EVL: variants seen among roughly 807,000 people sequenced by gnomAD.
EVL encodes Enah/Vasp-like.
EVL carries 21 observed loss-of-function variants against 59.6 expected under a neutral mutation model. The observed-to-expected ratio is 0.35, with a 90% CI of 0.25 to 0.51. The LOEUF (loss-of-function observed/expected upper bound fraction) is 0.51. Among genes scored for constraint, EVL ranks in the 20% least tolerant of loss-of-function variants. EVL has a pLI of 0.97. For missense variants in EVL, 462 were observed against 546.6 expected (o/e 0.85, Z 1.54); for synonymous variants, 198 against 203.5 (o/e 0.97, Z 0.23).
chr14:100,107,678 G>T, intron 3 of EVL: 1 of 165,064 alleles, frequency 6.1e-6, no homozygotes, highest in Non-Finnish European at 1.3e-5. Context: ...TTCGCATTTG[G>T]TTCTCACTAA....
chr14:100,086,974 T>G (rs2062458162), intron 2 of EVL, among the ~76,000 whole-genome samples: 1 of 152,218 alleles, frequency 6.6e-6, no homozygotes, highest in African/African-American at 2.4e-5. Flanking sequence ...AAAGACTGAT[T>G]TTCACAGATT....
rs535399779 is a variant in EVL, at chr14:100,133,805, C to T, written c.900+1026C>T. ...ATACAAAATTAGCGGGGCATGGTGG[C>T]GCATGCCTGTAATCCCAGCTACTCG... On this transcript the variant is annotated intron_variant, in intron 8 of 13. Transcript: ENST00000392920. 8.6e-5 allele frequency among the ~76,000 whole-genome samples: 13 copies of T among 151,518 alleles called. No individual in the cohort carries two copies. In the South Asian group the frequency reaches 2.3e-3, roughly 27 times the overall value.
chr14:100,054,546 G>A (rs950774373), intron 1 of EVL, among the ~76,000 whole-genome samples: 2 of 152,054 alleles, frequency 1.3e-5, no homozygotes, highest in Admixed American at 6.6e-5. Flanking sequence ...TATTTCCCCT[G>A]CTCTAAATCA....
In EVL at chr14:100,093,408, C is replaced by A. The variant is rs533644256; in HGVS notation, c.181-4073C>A. 2.0e-5 allele frequency among the ~76,000 whole-genome samples: 3 copies of A among 152,130 alleles called. No homozygotes were observed. The South Asian group carries it at 6.2e-4, about 32-fold the overall frequency. On this transcript the variant is annotated intron_variant, in intron 2 of 13. Transcript: ENST00000392920. ...TTATACAGCTGAAAAGTAATAACGC[C>A]AGGGTTTTAATGCAGAACCCTCTGA...
intron 1 of EVL, among the ~76,000 whole-genome samples, chr14:100,022,560 G>A (rs753955467): frequency 6.6e-6 from 1 of 152,104 alleles, no homozygotes; most frequent in South Asian, 2.1e-4. Flanking sequence ...GTTTACAGGC[G>A]TGAGCCACCA....
rs746584136 is a variant in EVL, at chr14:100,128,595, C to A, written c.564C>A (p.Pro188=). The A allele has an allele frequency of 2.6e-6, 4 of 1,542,870 alleles. No individual in the cohort carries two copies. Among genetic ancestry groups the A allele is most frequent in the Non-Finnish European group, 2.7e-6 (3 of 1,128,270 alleles). ...CATGTAGTGGGCCTCCACCGCCCCCCCCACCCCCAGTCCCACCTCCACCCA... is the reference window on the plus strand; with the variant it reads ...CATGTAGTGGGCCTCCACCGCCCCCACCACCCCCAGTCCCACCTCCACCCA... ...PVSCSGPPPP[P]PPPVPPPPTG... is the part of the protein sequence containing the mutation. Residue 188 remains proline (P), a synonymous_variant, in exon 6 of 14, where the codon CCC becomes CCA. Transcript: ENST00000392920.
chr14:100,016,560 G>C lies in EVL; in HGVS notation c.5+44503G>C, dbSNP rs114874726. On this transcript the variant is annotated intron_variant, in intron 1 of 13. Coordinates refer to the EVL transcript ENST00000402714. ...AAACAAACGTCCGGCCTGGGCAAAA[G>C]AGCGAGACTCCGTCTCTAAAACAAA... Among the ~76,000 whole-genome samples, 1,020 of 152,308 alleles carry C rather than the reference G, an allele frequency of 6.7e-3. 8 individuals carry two copies. The highest frequency in any genetic ancestry group is 0.023 in the African/African-American group (972 of 41,564).
intron 1 of EVL, among the ~76,000 whole-genome samples, chr14:99,987,369 T>C (rs1057095089): frequency 2.0e-5 from 3 of 152,142 alleles, no homozygotes; most frequent in African/African-American, 4.8e-5. Flanking sequence ...AGGCCGGGCA[T>C]GGTGGCTCAT....
intron 1 of EVL, among the ~76,000 whole-genome samples, chr14:99,998,379 T>A (rs910902265): frequency 2.0e-5 from 3 of 152,174 alleles, no homozygotes; most frequent in Non-Finnish European, 4.4e-5. Flanking sequence ...CTCCTCAGCT[T>A]GTTCTTTCTC....
At chr14:100,043,255 A>ATG (rs979380292) in intron 1 of EVL, among the ~76,000 whole-genome samples, 3 of 150,458 alleles carry the variant, frequency 2.0e-5, no homozygotes, top group Admixed American at 6.7e-5. Flanking sequence ...GTATATATAT[A>ATG]TGTGTGTGTG....
At chr14:99,977,214 T>G (rs1331052668) in intron 1 of EVL, 2 of 152,196 alleles carry the variant, frequency 1.3e-5, no homozygotes, top group African/African-American at 4.8e-5. Context: ...GAATAAGTCT[T>G]TAACTCCTCT....
chr14:100,097,644 A>G lies in EVL; in HGVS notation c.344A>G (p.Asn115Ser), dbSNP rs914405069. 2 of 1,611,352 alleles carry G rather than the reference A, an allele frequency of 1.2e-6. No individual in the cohort carries two copies. Among genetic ancestry groups the G allele is most frequent in the Admixed American group, 3.4e-5 (2 of 59,518 alleles). Residue 115 changes from asparagine to serine, a missense_variant, in exon 3 of 14, where the codon AAT becomes AGT. By Grantham distance (46) the Asn-to-Ser change is conservative. Transcript: ENST00000392920. ...NAMLFALNIM[N>S]SQEGGPSSQR... ...ATGCTGTTTGCCCTGAACATCATGA[A>G]TTCCCAAGAAGGAGGTAAGTAGGGC...
intron 1 of EVL, among the ~76,000 whole-genome samples, chr14:100,067,478 T>C (rs78797417): frequency 0.027 from 4,040 of 152,246 alleles, 174 homozygotes; most frequent in African/African-American, 0.091. Flanking sequence ...GGTAGTGTTG[T>C]GGGGCGTTTT....
At chr14:100,103,132 G>T (rs2140330139) in intron 3 of EVL, among the ~76,000 whole-genome samples, 1 of 147,712 alleles carries the variant, frequency 6.8e-6, no homozygotes, top group Non-Finnish European at 1.5e-5. Flanking sequence ...CAAATCAGAG[G>T]CAAGATTCTG....
intron 3 of EVL, among the ~76,000 whole-genome samples, chr14:100,112,680 G>C (rs1043863892): frequency 2.0e-5 from 3 of 152,194 alleles, no homozygotes; most frequent in African/African-American, 7.2e-5. Flanking sequence ...AAACCTCAGG[G>C]CTCCTTCCCT....
At chr14:100,132,877 T>TGGGATGGGCGCTTCATCAGGTGATTCAC in intron 8 of EVL, 98 bp downstream of exon 8, 1 of 1,333,504 alleles carries the variant, frequency 7.5e-7, no homozygotes, top group South Asian at 1.2e-5. Flanking sequence ...GGGACATGCG[T>TGGGATGGGCGCTTCATCAGGTGATTCAC]GGGATGGGCG....
chr14:100,064,087 A>G (rs1163494395), upstream of EVL, among the ~76,000 whole-genome samples: 2 of 152,232 alleles, frequency 1.3e-5, no homozygotes, highest in Non-Finnish European at 2.9e-5. Context: ...CAACTAAAAC[A>G]GTGCTTAAAG....
chr14:100,004,028 A>G (rs2060962797), intron 1 of EVL, among the ~76,000 whole-genome samples: 1 of 152,246 alleles, frequency 6.6e-6, no homozygotes, highest in Non-Finnish European at 1.5e-5. Context: ...ACATGGCGAA[A>G]GCCCGTCCTT....
At chr14:100,051,886 C>A (rs1006731816) in intron 1 of EVL, among the ~76,000 whole-genome samples, 1 of 152,184 alleles carries the variant, frequency 6.6e-6, no homozygotes, top group African/African-American at 2.4e-5. Flanking sequence ...CATGGCTTCT[C>A]CTCTTACTGT....
Sources: allele counts gnomAD v4.1 joint callset (sites outside exome capture counted in the v4.1 genomes callset), GRCh38; gene constraint gnomAD v4.1.1; transcripts MANE v1.5; gene names NCBI Gene and HGNC (gene_info 2026-07-23, HGNC 2026-07-21).